Variants in NTRK2 observed in about 807,000 individuals in gnomAD.
NTRK2 encodes the protein BDNF/NT-3 growth factors receptor.
Under a neutral mutation model 94.5 loss-of-function variants are expected in NTRK2, and 13 were observed. The ratio of observed to expected loss-of-function variants is 0.14; its 90% confidence interval spans 0.09 to 0.22. NTRK2 has a LOEUF of 0.22. NTRK2 is among the 10% of genes least tolerant of loss of function. NTRK2 has a pLI of 1.00. For synonymous variants in NTRK2, 372 were observed against 407.4 expected (o/e 0.91, Z 1.05); for missense variants, 639 against 1,071.2 (o/e 0.60, Z 5.63).
chr9:84,912,891 CAGGCGTG>C (rs2132503750), intron 14 of NTRK2, among the ~76,000 whole-genome samples: 1 of 152,290 alleles, frequency 6.6e-6, no homozygotes, highest in Non-Finnish European at 1.5e-5. Flanking sequence ...GCTGGGATTA[CAGGCGTG>C]AGCCACTGCA....
At chr9:85,000,604 T>A (rs1830229945) in intron 17 of NTRK2, among the ~76,000 whole-genome samples, 1 of 152,194 alleles carries the variant, frequency 6.6e-6, no homozygotes, top group South Asian at 2.1e-4. Flanking sequence ...AACTCATATC[T>A]TTTTAGTTCT....
chr9:84,970,121 T>TAATTCCAATACA (rs1826009155), intron 17 of NTRK2, among the ~76,000 whole-genome samples: 1 of 152,128 alleles, frequency 6.6e-6, no homozygotes, highest in Non-Finnish European at 1.5e-5. Flanking sequence ...CCGGGCATGG[T>TAATTCCAATACA]GGTTCATGCC....
chr9:84,777,559 G>A (rs769302167), intron 12 of NTRK2, among the ~76,000 whole-genome samples: 7 of 152,114 alleles, frequency 4.6e-5, no homozygotes, highest in Non-Finnish European at 8.8e-5. Flanking sequence ...AAGGAAAAAC[G>A]AATAGTTTTA....
At chr9:84,675,605 G>C (rs2059003469) in intron 2 of NTRK2, among the ~76,000 whole-genome samples, 1 of 152,096 alleles carries the variant, frequency 6.6e-6, no homozygotes, top group South Asian at 2.1e-4. Flanking sequence ...AGGATTTGGG[G>C]GAGAGACTAT....
chr9:85,003,626 A>T (rs750114235), intron 17 of NTRK2, among the ~76,000 whole-genome samples: 1 of 152,104 alleles, frequency 6.6e-6, no homozygotes, highest in Non-Finnish European at 1.5e-5. Context: ...ACAGTGGAAG[A>T]TGCTGATGAA....
chr9:84,736,502 A>G (rs1256357280), intron 9 of NTRK2, among the ~76,000 whole-genome samples: 3 of 152,194 alleles, frequency 2.0e-5, no homozygotes, highest in Non-Finnish European at 4.4e-5. Context: ...TCCAAATGTT[A>G]TGCATTAAAT....
At chr9:84,988,036 C>T (rs1828547019) in intron 17 of NTRK2, among the ~76,000 whole-genome samples, 1 of 152,180 alleles carries the variant, frequency 6.6e-6, no homozygotes, top group African/African-American at 2.4e-5. Flanking sequence ...CAGATTTGCA[C>T]CAATAGATAT....
rs201439188 is a variant in NTRK2 at position 84,670,628 on chromosome 9, C to T, written c.-121C>T. On this transcript the variant is annotated 5_prime_UTR_variant, in exon 2 of 19. Coordinates refer to ENST00000277120, the MANE Select transcript of NTRK2 (RefSeq NM_006180.6). ...TCTGATAAGCTGGACTCGGCACGCC[C>T]GCAACAAGCACCGAGGAGTTAAGAG... The T allele has an allele frequency of 7.2e-6, 7 of 978,718 alleles. No individual in the cohort carries two copies. The highest frequency in any genetic ancestry group is 1.1e-5 in the Non-Finnish European group (7 of 624,758). The allele number at this position is 978,718 out of a possible 1,614,324, so 60.6% of individuals were successfully genotyped here. A position where few individuals can be genotyped will look rare whatever the true frequency, so the allele number is the denominator to read the frequency against.
chr9:84,771,761 A>T (rs988955245), intron 12 of NTRK2, among the ~76,000 whole-genome samples: 28 of 152,138 alleles, frequency 1.8e-4, no homozygotes, highest in Non-Finnish European at 3.8e-4. Context: ...CCTTTTTAGT[A>T]AATTTGTGTG....
chr9:84,748,076 G>C (rs1291727419), intron 11 of NTRK2, among the ~76,000 whole-genome samples: 1 of 152,160 alleles, frequency 6.6e-6, no homozygotes, highest in Non-Finnish European at 1.5e-5. Flanking sequence ...TGCTCTTCCA[G>C]CATTTTGTTG....
chr9:84,763,777 T>G (rs1384352830), intron 12 of NTRK2, among the ~76,000 whole-genome samples: 4 of 152,180 alleles, frequency 2.6e-5, no homozygotes, highest in African/African-American at 9.6e-5. Context: ...TAAAAATGCC[T>G]TTTATAGTTA....
chr9:84,769,236 T>A (rs565892448), intron 12 of NTRK2, among the ~76,000 whole-genome samples: 1 of 152,330 alleles, frequency 6.6e-6, no homozygotes, highest in Admixed American at 6.5e-5. Context: ...TGGAACTACT[T>A]ACTACCCTAA....
At chr9:84,810,762 T>C in intron 12 of NTRK2, 1 of 1,455,746 alleles carries the variant, frequency 6.9e-7, no homozygotes, top group Non-Finnish European at 9.1e-7. Context: ...TACTGTGAGC[T>C]GTGATTGGGG....
chr9:84,710,812 T>C, intron 6 of NTRK2, 21 bp downstream of exon 6: 1 of 1,613,106 alleles, frequency 6.2e-7, no homozygotes, highest in Non-Finnish European at 8.5e-7. Context: ...TTTAAATCAA[T>C]GTGTTCTAGT....
intron 2 of NTRK2, among the ~76,000 whole-genome samples, chr9:84,700,755 G>C (rs891195782): frequency 6.6e-6 from 1 of 151,936 alleles, no homozygotes; most frequent in Non-Finnish European, 1.5e-5. Context: ...AACTCACATT[G>C]TTAACAGCAG....
chr9:84,879,348 C>T (rs2076187353), intron 14 of NTRK2, among the ~76,000 whole-genome samples: 1 of 152,032 alleles, frequency 6.6e-6, no homozygotes, highest in African/African-American at 2.4e-5. Flanking sequence ...GCTTTTGTCC[C>T]CCACATTTGG....
chr9:84,997,513 T>C (rs1263452663), intron 17 of NTRK2, among the ~76,000 whole-genome samples: 1 of 152,108 alleles, frequency 6.6e-6, no homozygotes, highest in Admixed American at 6.5e-5. Flanking sequence ...TCTAGTCAAA[T>C]CCCTGTACCA....
intron 14 of NTRK2, among the ~76,000 whole-genome samples, chr9:84,900,316 A>G (rs2076888838): frequency 6.6e-6 from 1 of 152,226 alleles, no homozygotes; most frequent in African/African-American, 2.4e-5. Context: ...ACGTGGGACC[A>G]GACATCAAGC....
At chr9:84,940,509 A>C (rs75121827) in intron 15 of NTRK2, among the ~76,000 whole-genome samples, 2 of 152,174 alleles carry the variant, frequency 1.3e-5, no homozygotes, top group Non-Finnish European at 2.9e-5. Context: ...TGATTCCCCA[A>C]GAGGGAAAAT....
Sources: gnomAD v4.1 joint callset for allele counts (sites outside exome capture counted in the v4.1 genomes callset) on GRCh38, gnomAD v4.1.1 for gene constraint, MANE v1.5 for transcripts, NCBI Gene and HGNC (gene_info 2026-07-23, HGNC 2026-07-21) for gene names.